Variants in TAS2R1 observed in about 807,000 individuals in gnomAD.
The protein encoded by TAS2R1 is taste 2 receptor member 1, also known as taste receptor type 2 member 1.
For missense variants in TAS2R1, 370 were observed against 353.4 expected, an observed-to-expected ratio of 1.05 and a Z score of -0.38; for synonymous variants, 141 against 134.2, an observed-to-expected ratio of 1.05 and a Z score of -0.35.
intron 1 of TAS2R1, among the ~76,000 whole-genome samples, chr5:9,668,792 A>T (rs1233662152): frequency 6.6e-6 from 1 of 152,162 alleles, no homozygotes; most frequent in Non-Finnish European, 1.5e-5. Flanking sequence ...GACCATTACT[A>T]GCTAGCACAA....
At chr5:9,641,316 A>G (rs977206623) in intron 2 of TAS2R1, 12 of 152,228 alleles carry the variant, frequency 7.9e-5, no homozygotes, top group African/African-American at 2.9e-4. Context: ...AATTCTTCAT[A>G]GAGAACTTTA....
upstream of TAS2R1, among the ~76,000 whole-genome samples, chr5:9,633,315 T>C (rs972162933): frequency 2.2e-5 from 3 of 137,422 alleles, no homozygotes; most frequent in African/African-American, 8.9e-5. Context: ...TATATATATA[T>C]ATATACACAA....
intron 1 of TAS2R1, among the ~76,000 whole-genome samples, chr5:9,670,918 C>A (rs946676705): frequency 6.6e-6 from 1 of 152,134 alleles, no homozygotes; most frequent in African/African-American, 2.4e-5. Context: ...CCAAATCCAG[C>A]AGCACATCAA....
chr5:9,725,700 G>A, the TAS2R1 span, among the ~76,000 whole-genome samples: 897 of 152,298 alleles, frequency 5.9e-3, 22 homozygotes, highest in East Asian at 0.092. Flanking sequence ...CCACCCAAGG[G>A]CTGAGGAGTG....
the TAS2R1 span, among the ~76,000 whole-genome samples, chr5:9,817,373 T>C: frequency 6.6e-6 from 1 of 152,224 alleles, no homozygotes; most frequent in Non-Finnish European, 1.5e-5. Flanking sequence ...AAGTTTGACT[T>C]TTTAATGACA....
chr5:9,854,721 T>C, the TAS2R1 span, among the ~76,000 whole-genome samples: 1 of 152,044 alleles, frequency 6.6e-6, no homozygotes. Context: ...TTGACATAAA[T>C]GTACAAAAAA....
the TAS2R1 span, among the ~76,000 whole-genome samples, chr5:9,749,318 G>A: frequency 1.3e-5 from 2 of 152,136 alleles, no homozygotes; most frequent in Non-Finnish European, 2.9e-5. Context: ...GACCTTAAAT[G>A]CTGAGGGCTG....
chr5:9,875,894 T>G, the TAS2R1 span, among the ~76,000 whole-genome samples: 3 of 152,324 alleles, frequency 2.0e-5, no homozygotes, highest in African/African-American at 7.2e-5. Context: ...GTTTAATCTC[T>G]TAGGTGCTTT....
chr5:9,718,238 G>T, the TAS2R1 span, among the ~76,000 whole-genome samples: 1 of 151,746 alleles, frequency 6.6e-6, no homozygotes, highest in African/African-American at 2.4e-5. Context: ...CAAAGTGTTG[G>T]GATTACAGGC....
chr5:9,684,377 G>GTTA (rs1433416753), intron 1 of TAS2R1, among the ~76,000 whole-genome samples: 1 of 152,186 alleles, frequency 6.6e-6, no homozygotes, highest in Non-Finnish European at 1.5e-5. Flanking sequence ...TAGAATTGTG[G>GTTA]TTATTAGAGG....
At chr5:9,851,456 TAAG>T in the TAS2R1 span, among the ~76,000 whole-genome samples, 2 of 151,816 alleles carry the variant, frequency 1.3e-5, no homozygotes, top group African/African-American at 4.8e-5. Flanking sequence ...TAAAGACAAA[TAAG>T]AACTGCATTG....
At chr5:9,633,731 G>T (rs137875824), upstream of TAS2R1, among the ~76,000 whole-genome samples, 38 of 151,746 alleles carry the variant, frequency 2.5e-4, no homozygotes, top group African/African-American at 8.2e-4. Context: ...TATGTTGTTG[G>T]CTATTTGTAT....
the TAS2R1 span, among the ~76,000 whole-genome samples, chr5:9,766,615 TC>T: frequency 1.3e-5 from 2 of 152,174 alleles, no homozygotes; most frequent in East Asian, 3.9e-4. Flanking sequence ...TCAGCTTTTG[TC>T]CCCAGTACAC....
the TAS2R1 span, among the ~76,000 whole-genome samples, chr5:9,824,928 G>C: frequency 0.058 from 8,714 of 151,314 alleles, 672 homozygotes; most frequent in East Asian, 0.25. Context: ...CTGGAGTTAT[G>C]CAAACATGGA....
chr5:9,788,012 T>C, the TAS2R1 span, among the ~76,000 whole-genome samples: 8 of 152,304 alleles, frequency 5.3e-5, no homozygotes, highest in East Asian at 5.8e-4. Context: ...GCTGGATGCA[T>C]GGTGAGCCTG....
At chr5:9,825,878 G>A in the TAS2R1 span, among the ~76,000 whole-genome samples, 4 of 152,046 alleles carry the variant, frequency 2.6e-5, no homozygotes, top group Admixed American at 6.6e-5. Flanking sequence ...CACAACAAGC[G>A]ATTCCAGACT....
At chr5:9,835,648 C>T in the TAS2R1 span, among the ~76,000 whole-genome samples, 58 of 152,232 alleles carry the variant, frequency 3.8e-4, no homozygotes, top group African/African-American at 1.3e-3. Flanking sequence ...ACGAGTGATG[C>T]CAAGGAAGAA....
chr5:9,646,219 C>A (rs1000482434), intron 2 of TAS2R1, among the ~76,000 whole-genome samples: 1 of 152,078 alleles, frequency 6.6e-6, no homozygotes, highest in Admixed American at 6.6e-5. Context: ...TTTCTGGATT[C>A]TTTCCCTATA....
intron 2 of TAS2R1, among the ~76,000 whole-genome samples, chr5:9,637,167 A>T (rs1362868282): frequency 6.6e-6 from 1 of 152,122 alleles, no homozygotes; most frequent in Non-Finnish European, 1.5e-5. Context: ...AAAAGACTTT[A>T]TCTGTCCTTC....
Sources: allele counts gnomAD v4.1 joint callset (sites outside exome capture counted in the v4.1 genomes callset), GRCh38; gene constraint gnomAD v4.1.1; transcripts MANE v1.5; gene names NCBI Gene and HGNC (gene_info 2026-07-23, HGNC 2026-07-21).